Variants in IGSF10 observed in about 807,000 individuals in gnomAD.
IGSF10 encodes calvaria mechanical force protein 608.
A neutral mutation model predicts 128.2 loss-of-function variants in IGSF10; 126 were observed. The observed-to-expected ratio is 0.98, with a 90% CI of 0.85 to 1.14. IGSF10 has a LOEUF of 1.14. Ranked by LOEUF, IGSF10 falls within the 50% of genes most tolerant of loss-of-function variation. The pLI is 0.00. For synonymous variants in IGSF10, 1,185 were observed against 1,146.2 expected, an observed-to-expected ratio of 1.03 and a Z score of -0.68; for missense variants, 3,295 against 3,149.8, an observed-to-expected ratio of 1.05 and a Z score of -1.10.
the IGSF10 span, among the ~76,000 whole-genome samples, chr3:151,562,410 T>A: frequency 6.6e-6 from 1 of 152,144 alleles, no homozygotes; most frequent in African/African-American, 2.4e-5. Flanking sequence ...TCTTTATTCC[T>A]TCACTTTCCT....
intron 6 of IGSF10, 56 bp downstream of exon 6, chr3:151,444,863 C>T: frequency 2.0e-6 from 3 of 1,472,950 alleles, no homozygotes; most frequent in Non-Finnish European, 2.7e-6. Context: ...CAAAACATAA[C>T]AATCTTCTTC....
At chr3:151,566,946 G>A in the IGSF10 span, among the ~76,000 whole-genome samples, 544 of 152,292 alleles carry the variant, frequency 3.6e-3, 1 homozygote, top group African/African-American at 0.012. Flanking sequence ...GTTCAAGTTC[G>A]TCTAATGTCA....
chr3:151,466,190 A>T, the IGSF10 span, among the ~76,000 whole-genome samples: 2 of 152,174 alleles, frequency 1.3e-5, no homozygotes, highest in African/African-American at 4.8e-5. Context: ...CTGGCATCAG[A>T]AGTGGGATTC....
Position 151,443,252 on chromosome 3 carries a change from T to A in IGSF10, c.5695A>T (p.Asn1899Tyr), listed in dbSNP as rs562792095. ...AGGTTTCTTATATACAAAGTCCCAT[T>A]TGAAAATAAGAACAACTTGGAATTG... is the stretch of plus-strand genomic sequence containing the variant. ...FTNSKLFLFSNGTLYIRNLAS... is the reference protein window; with the variant it reads ...FTNSKLFLFSYGTLYIRNLAS... The change falls in exon 7 of 8, where the codon AAT becomes TAT. Residue 1899 changes from asparagine to tyrosine, a missense_variant. Physicochemically the swap from Asn to Tyr is moderately radical, Grantham distance 143. Transcript: ENST00000282466. 1 of 1,611,612 alleles carries A rather than the reference T, an allele frequency of 6.2e-7. No homozygotes were observed. Among genetic ancestry groups the A allele is most frequent in the African/African-American group, 1.3e-5 (1 of 74,804 alleles).
chr3:151,511,601 A>G, the IGSF10 span, among the ~76,000 whole-genome samples: 77 of 152,174 alleles, frequency 5.1e-4, no homozygotes, highest in Non-Finnish European at 2.6e-4. Context: ...ACAGGATCAA[A>G]TTCACACATA....
rs143721392 is a variant in IGSF10 at position 151,453,541 on chromosome 3, G to T, written c.558C>A (p.Phe186Leu). The T allele has an allele frequency of 7.9e-4, 1,273 of 1,614,020 alleles. 3 individuals are homozygous for T. The highest frequency in any genetic ancestry group is 1.0e-3 in the South Asian group (94 of 91,080). Reference protein sequence around the residue: ...LSYLQIFKISFIKFLYLSDNF... With the variant: ...LSYLQIFKISLIKFLYLSDNF... ...TATCAGACAAGTATAGGAACTTAAT[G>T]AAAGAGATTTTAAATATCTGGAGGT... The change falls in exon 5 of 8, where the codon TTC (phenylalanine) becomes TTA (leucine). Residue 186 changes from phenylalanine (F) to leucine (L), a missense_variant. Physicochemically the swap from Phe to Leu is conservative, Grantham distance 22. Coordinates refer to ENST00000282466, the MANE Select transcript of IGSF10 (RefSeq NM_178822.5).
chr3:151,521,366 G>A, the IGSF10 span, among the ~76,000 whole-genome samples: 12 of 151,900 alleles, frequency 7.9e-5, no homozygotes, highest in African/African-American at 2.2e-4. Flanking sequence ...AAATGGATTT[G>A]ATATACCTTT....
chr3:151,528,777 C>G, the IGSF10 span, among the ~76,000 whole-genome samples: 1 of 149,608 alleles, frequency 6.7e-6, no homozygotes, highest in African/African-American at 2.5e-5. Flanking sequence ...GCTGTTTGGG[C>G]AGACACTGAG....
Position 151,445,505 on chromosome 3 carries a change from A to C in IGSF10, c.4476T>G (p.Thr1492=), listed in dbSNP as rs1577668449. 6.2e-7 allele frequency: 1 copy of C among 1,614,118 alleles called. No homozygotes were observed. Among genetic ancestry groups the C allele is most frequent in the East Asian group, 2.2e-5 (1 of 44,878 alleles). Residue 1492 remains threonine, a synonymous_variant, in exon 6 of 8, where the codon ACT becomes ACG. Transcript: ENST00000282466. ...TATTTGTCATAAGCCCGGAAATGGG[A>C]GTCGCCACGTTGTCAGTAACTGCTC... The part of the protein sequence containing the change: ...TQRAVTDNVA[T]PISGLMTNTV...
At chr3:151,496,001 G>C in the IGSF10 span, among the ~76,000 whole-genome samples, 6 of 152,120 alleles carry the variant, frequency 3.9e-5, no homozygotes, top group Admixed American at 1.3e-4. Flanking sequence ...CTATGATTAA[G>C]GTTCAGTCTG....
the IGSF10 span, among the ~76,000 whole-genome samples, chr3:151,559,345 C>G: frequency 1.3e-5 from 2 of 152,086 alleles, no homozygotes; most frequent in African/African-American, 4.8e-5. Flanking sequence ...TGAGAATTCA[C>G]CAAACAAAAC....
chr3:151,509,879 T>G, the IGSF10 span, among the ~76,000 whole-genome samples: 7 of 152,258 alleles, frequency 4.6e-5, no homozygotes, highest in African/African-American at 1.7e-4. Context: ...CCCTCATTGC[T>G]AGCACAGCAG....
chr3:151,485,080 T>C, the IGSF10 span, among the ~76,000 whole-genome samples: 1 of 152,106 alleles, frequency 6.6e-6, no homozygotes, highest in African/African-American at 2.4e-5. Context: ...TTGCTAACTA[T>C]AATAATCGGT....
In IGSF10 at chr3:151,448,061, T is replaced by G; in HGVS notation, c.1920A>C (p.Gln640His). Reference protein sequence around the residue: ...LRILQVTPKDQGYYRCVAANP... With the variant: ...LRILQVTPKDHGYYRCVAANP... ...TGGCTGCCACACAGCGATAATAACC[T>G]TGGTCTTTCGGGGTGACCTGTAATA... The change falls in exon 6 of 8, where the codon CAA becomes CAC. Residue 640 changes from glutamine to histidine, a missense_variant. Gln to His is a conservative substitution (Grantham distance 24). Coordinates refer to ENST00000282466, the MANE Select transcript of IGSF10 (RefSeq NM_178822.5). 2 of 1,614,192 alleles carry G rather than the reference T, an allele frequency of 1.2e-6. No homozygotes were observed. The highest frequency in any genetic ancestry group is 1.3e-5 in the African/African-American group (1 of 75,030).
chr3:151,458,863 A>G (rs1371490647), intron 2 of IGSF10, among the ~76,000 whole-genome samples, 153 bp from the exon 3 acceptor site: 2 of 152,174 alleles, frequency 1.3e-5, no homozygotes, highest in Non-Finnish European at 2.9e-5. Flanking sequence ...CACTCTTTAC[A>G]AAACTATAGT....
chr3:151,460,257 A>G lies in IGSF10; in HGVS notation c.-2+4T>C. 3 of 919,582 alleles carry G rather than the reference A, an allele frequency of 3.3e-6. No individual in the cohort carries two copies. The highest frequency in any genetic ancestry group is 3.9e-6 in the Non-Finnish European group (3 of 769,886). The allele number at this position is 919,582 out of a possible 1,614,324, so 57.0% of individuals were successfully genotyped here. A position where few individuals can be genotyped will look rare whatever the true frequency, so the allele number is the denominator to read the frequency against. ...GTACATAATGAAATAGGAATTGGCA[A>G]TACCTGAGCTCTTCTTTCAGGTCCT... is the stretch of plus-strand genomic sequence containing the variant. On this transcript the variant is annotated splice_donor_region_variant and intron_variant, in intron 2 of 7. Coordinates refer to ENST00000282466, the MANE Select transcript of IGSF10 (RefSeq NM_178822.5).
chr3:151,517,331 C>T, the IGSF10 span, among the ~76,000 whole-genome samples: 1 of 151,956 alleles, frequency 6.6e-6, no homozygotes, highest in Non-Finnish European at 1.5e-5. Flanking sequence ...AGTGAGTAGA[C>T]TGTTTAGCTC....
chr3:151,562,520 C>T, the IGSF10 span, among the ~76,000 whole-genome samples: 17 of 152,034 alleles, frequency 1.1e-4, no homozygotes, highest in East Asian at 3.9e-4. Flanking sequence ...GACCCCTTTC[C>T]GGTAACAGTT....
upstream of IGSF10, among the ~76,000 whole-genome samples, chr3:151,464,455 C>T (rs1346198539): frequency 1.3e-5 from 2 of 152,104 alleles, no homozygotes; most frequent in African/African-American, 4.8e-5. Context: ...TCTTACTCCT[C>T]ATCCTTAATT....
Sources: allele counts gnomAD v4.1 joint callset (sites outside exome capture counted in the v4.1 genomes callset), GRCh38; gene constraint gnomAD v4.1.1; transcripts MANE v1.5; gene names NCBI Gene and HGNC (gene_info 2026-07-23, HGNC 2026-07-21).